Variants in DDAH1 observed in about 807,000 individuals in gnomAD.
DDAH1 encodes the protein N(G),N(G)-dimethylarginine dimethylaminohydrolase 1.
In DDAH1, 19 loss-of-function variants were observed where a neutral mutation model predicts 28.8. The ratio of observed to expected loss-of-function variants is 0.66; its 90% CI spans 0.46 to 0.97. The LOEUF is 0.97. Ranked by LOEUF, DDAH1 falls within the 50% of genes least tolerant of loss-of-function variation. DDAH1 has a pLI of 0.00. For synonymous variants in DDAH1, 153 were observed against 154.4 expected (o/e 0.99, Z 0.07); for missense variants, 326 against 375.9 (o/e 0.87, Z 1.10).
chr1:85,402,161 A>ATTTT (rs11365834), intron 1 of DDAH1, among the ~76,000 whole-genome samples: 5 of 120,430 alleles, frequency 4.2e-5, no homozygotes, highest in African/African-American at 3.2e-5. Context: ...TAATACTTCT[A>ATTTT]TTTTTTTTTT....
intron 1 of DDAH1, among the ~76,000 whole-genome samples, chr1:85,442,630 T>C (rs1654250490): frequency 6.6e-6 from 1 of 152,208 alleles, no homozygotes; most frequent in South Asian, 2.1e-4. Flanking sequence ...ATTGAACTAG[T>C]TTATAGTCCC....
At chr1:85,510,007 C>T (rs149424981) in intron 1 of DDAH1, among the ~76,000 whole-genome samples, 109 of 152,084 alleles carry the variant, frequency 7.2e-4, no homozygotes, top group African/African-American at 2.5e-3. Flanking sequence ...AGATACTCCT[C>T]GAGAAGTATC....
intron 1 of DDAH1, among the ~76,000 whole-genome samples, chr1:85,525,102 C>T (rs1442174996): frequency 4.0e-5 from 6 of 150,622 alleles, no homozygotes; most frequent in South Asian, 4.3e-4. Flanking sequence ...AATGCAAAAT[C>T]GGCCACCAAG....
Position 85,320,479 on chromosome 1 carries a change from C to A in DDAH1, c.*973G>T, listed in dbSNP as rs982268951. On this transcript the variant is annotated 3_prime_UTR_variant, in exon 6 of 6. Coordinates refer to ENST00000284031, the MANE Select transcript of DDAH1 (RefSeq NM_012137.4). ...CTGCAGGGGTAGAAGACTGGAAATA[C>A]GGTGAGTCAGGGTAGGTGGAAACAG... 1.3e-5 allele frequency: 2 copies of A among 148,778 alleles called. No homozygotes were observed. Among genetic ancestry groups the A allele is most frequent in the Non-Finnish European group, 3.0e-5 (2 of 67,494 alleles). The allele number at this position is 148,778 out of a possible 1,614,324, so 9.2% of individuals were successfully genotyped here.
chr1:85,456,961 T>C (rs975543919), intron 1 of DDAH1, among the ~76,000 whole-genome samples: 2 of 152,152 alleles, frequency 1.3e-5, no homozygotes, highest in Admixed American at 6.5e-5. Context: ...GTGGGCTACA[T>C]TGTTCCCAAA....
chr1:85,559,318 T>C (rs895482494), intron 1 of DDAH1, among the ~76,000 whole-genome samples: 6 of 152,184 alleles, frequency 3.9e-5, no homozygotes, highest in South Asian at 2.1e-4. Flanking sequence ...TAGAAATATA[T>C]TAAAATAGGC....
intron 1 of DDAH1, among the ~76,000 whole-genome samples, chr1:85,461,014 C>G (rs1384270478): frequency 1.3e-5 from 2 of 152,140 alleles, no homozygotes; most frequent in South Asian, 2.1e-4. Flanking sequence ...CTTTGGGAGG[C>G]TGAAGCAGGA....
chr1:85,491,008 C>G (rs542963963), intron 2 of DDAH1, among the ~76,000 whole-genome samples: 2 of 150,492 alleles, frequency 1.3e-5, no homozygotes, highest in Non-Finnish European at 2.9e-5. Context: ...TTGCCCAATA[C>G]ACTTCCCTCT....
chr1:85,322,891 T>A (rs1661410745), intron 5 of DDAH1, among the ~76,000 whole-genome samples: 1 of 152,196 alleles, frequency 6.6e-6, no homozygotes, highest in East Asian at 1.9e-4. Flanking sequence ...GATTCAGACC[T>A]GTATTTCTCA....
At chr1:85,559,260 T>G (rs886831650) in intron 1 of DDAH1, among the ~76,000 whole-genome samples, 1 of 152,182 alleles carries the variant, frequency 6.6e-6, no homozygotes, top group Non-Finnish European at 1.5e-5. Context: ...CACATCTTAG[T>G]AGTAGGACTG....
chr1:85,472,603 C>G (rs1655653141), intron 2 of DDAH1, among the ~76,000 whole-genome samples: 1 of 152,164 alleles, frequency 6.6e-6, no homozygotes, highest in Non-Finnish European at 1.5e-5. Context: ...TCATTGCAAC[C>G]ACATTAGGGG....
At chr1:85,502,630 G>A (rs910901101) in intron 1 of DDAH1, among the ~76,000 whole-genome samples, 1 of 152,074 alleles carries the variant, frequency 6.6e-6, no homozygotes, top group African/African-American at 2.4e-5. Flanking sequence ...TTTTTCTTGT[G>A]GCATCACCAC....
chr1:85,571,353 A>T (rs1375465248), intron 1 of DDAH1, among the ~76,000 whole-genome samples: 21 of 152,210 alleles, frequency 1.4e-4, no homozygotes, highest in Admixed American at 1.3e-3. Flanking sequence ...TTCAAAGGGA[A>T]TGTGTATGTT....
At chr1:85,321,654 C>A in intron 5 of DDAH1, 86 bp from the exon 6 acceptor site, 2 of 1,011,724 alleles carry the variant, frequency 2.0e-6, no homozygotes, top group Non-Finnish European at 1.6e-6. Flanking sequence ...ATTTGTACAT[C>A]TAGGCTTTTC....
chr1:85,394,101 G>A (rs550440434), intron 1 of DDAH1, among the ~76,000 whole-genome samples: 25 of 152,302 alleles, frequency 1.6e-4, no homozygotes, highest in Non-Finnish European at 2.4e-4. Flanking sequence ...TAAATGCTAT[G>A]GTTTGCTGTG....
rs753416993 is a variant in DDAH1 at position 85,358,805 on chromosome 1, T to C, written c.346A>G (p.Ile116Val). 5.0e-6 allele frequency: 8 copies of C among 1,612,776 alleles called. No individual in the cohort carries two copies. The South Asian group carries it at 5.5e-5, about 11-fold the overall frequency. The change falls in exon 2 of 6, where the codon ATA becomes GTA. Residue 116 changes from isoleucine to valine, a missense_variant. Ile to Val is a conservative substitution (Grantham distance 29). Transcript: ENST00000284031. ...KEALEKLQLN[I>V]VEMKDENATL... ...GCATTTTCATCTTTCATCTCTACTA[T>C]ATTGAGCTGAAGTTTTTCTAATGCT...
chr1:85,554,809 C>T (rs1557756722), intron 1 of DDAH1, among the ~76,000 whole-genome samples: 1 of 152,230 alleles, frequency 6.6e-6, no homozygotes, highest in Non-Finnish European at 1.5e-5. Context: ...TTGCTAATCA[C>T]TACAGTACCT....
chr1:85,516,785 G>C (rs1657491658), intron 1 of DDAH1, among the ~76,000 whole-genome samples: 1 of 151,506 alleles, frequency 6.6e-6, no homozygotes, highest in Non-Finnish European at 1.5e-5. Flanking sequence ...GGCTAGTTAG[G>C]CACACAGCTA....
At chr1:85,462,114 T>C (rs987281144) in intron 1 of DDAH1, among the ~76,000 whole-genome samples, 1 of 152,200 alleles carries the variant, frequency 6.6e-6, no homozygotes, top group Non-Finnish European at 1.5e-5. Context: ...ACCCAATAAA[T>C]ATTAGCTAAT....
Sources: allele counts gnomAD v4.1 joint callset (sites outside exome capture counted in the v4.1 genomes callset), GRCh38; gene constraint gnomAD v4.1.1; transcripts MANE v1.5; gene names NCBI Gene and HGNC (gene_info 2026-07-23, HGNC 2026-07-21).